PRKAR2B: variants seen among roughly 807,000 people sequenced by gnomAD.
PRKAR2B encodes the protein protein kinase cAMP-dependent type II regulatory subunit beta, also known as cAMP-dependent protein kinase type II-beta regulatory subunit.
PRKAR2B carries 14 observed loss-of-function variants against 49.9 expected under a neutral mutation model. The observed-to-expected ratio is 0.28, with a 90% CI of 0.19 to 0.44. PRKAR2B has a LOEUF of 0.44. Ranked by LOEUF, PRKAR2B falls within the 20% of genes least tolerant of loss-of-function variation. PRKAR2B has a pLI of 1.00. For synonymous variants in PRKAR2B, 196 were observed against 197.7 expected (o/e 0.99, Z 0.07); for missense variants, 393 against 537.9 (o/e 0.73, Z 2.67).
At chr7:107,128,128 C>T in intron 3 of PRKAR2B, 84 bp from the exon 4 acceptor site, 2 of 886,020 alleles carry the variant, frequency 2.3e-6, no homozygotes, top group Non-Finnish European at 3.6e-6. Flanking sequence ...AATGTTGGTT[C>T]TGATTTTTGT....
chr7:107,108,697 G>A (rs1795119955), intron 2 of PRKAR2B, among the ~76,000 whole-genome samples: 1 of 152,190 alleles, frequency 6.6e-6, no homozygotes, highest in East Asian at 1.9e-4. Context: ...AGAGCCTTTG[G>A]CTCCTGTACA....
chr7:107,068,148 A>C (rs1238660355), intron 1 of PRKAR2B, among the ~76,000 whole-genome samples: 2 of 152,188 alleles, frequency 1.3e-5, no homozygotes, highest in African/African-American at 4.8e-5. Flanking sequence ...CCTTTGTGGA[A>C]AACCTTTACC....
intron 6 of PRKAR2B, among the ~76,000 whole-genome samples, chr7:107,148,101 G>A (rs1795923908): frequency 6.6e-6 from 1 of 152,206 alleles, no homozygotes; most frequent in South Asian, 2.1e-4. Context: ...TCAGTGATTT[G>A]AATACCCAAA....
rs777022729 is a variant in PRKAR2B, at chr7:107,157,290, T to C, written c.1089T>C (p.Ala363=). Residue 363 remains alanine, a synonymous_variant, in exon 10 of 11, where the codon GCT becomes GCC. Coordinates refer to ENST00000265717, the MANE Select transcript of PRKAR2B (RefSeq NM_002736.3). ...LALVTNKPRA[A]SAHAIGTVKC... ...TGGTAACTAACAAACCTCGAGCAGC[T>C]TCTGCCCACGCCATTGGGACTGTCA... is the stretch of plus-strand genomic sequence containing the variant. 6 of 1,614,092 alleles carry C rather than the reference T, an allele frequency of 3.7e-6. No individual in the cohort carries two copies. In the Admixed American group the frequency reaches 1.0e-4, roughly 27 times the overall value.
intron 4 of PRKAR2B, among the ~76,000 whole-genome samples, chr7:107,134,969 A>G (rs1795669166): frequency 6.6e-6 from 1 of 152,196 alleles, no homozygotes; most frequent in Non-Finnish European, 1.5e-5. Context: ...AAAAGAAAAA[A>G]GATAAATAGG....
Position 107,113,380 on chromosome 7 carries a change from G to A in PRKAR2B, c.344-8572G>A, listed in dbSNP as rs556128973. On this transcript the variant is annotated intron_variant, in intron 2 of 10. Coordinates refer to ENST00000265717, the MANE Select transcript of PRKAR2B (RefSeq NM_002736.3). Reference sequence around the variant, plus strand: ...GTTGACTTTTTAACCAAAGTGTTAGGATTCTGTTTTTATTTCACCTTGGCA... The same window carrying A: ...GTTGACTTTTTAACCAAAGTGTTAGAATTCTGTTTTTATTTCACCTTGGCA... 1.4e-3 allele frequency among the ~76,000 whole-genome samples: 220 copies of A among 152,298 alleles called. 1 individual carries two copies. The highest frequency in any genetic ancestry group is 2.6e-3 in the Non-Finnish European group (180 of 68,008).
intron 2 of PRKAR2B, among the ~76,000 whole-genome samples, chr7:107,087,843 C>G (rs890177098): frequency 2.0e-5 from 3 of 152,142 alleles, no homozygotes; most frequent in African/African-American, 7.2e-5. Context: ...TCTTTTCTCA[C>G]TCACCTAGTA....
intron 2 of PRKAR2B, among the ~76,000 whole-genome samples, chr7:107,106,218 C>T (rs1795069590): frequency 6.6e-6 from 1 of 152,176 alleles, no homozygotes; most frequent in South Asian, 2.1e-4. Context: ...CTTTTCCATA[C>T]CTTTTGTTAA....
intron 2 of PRKAR2B, among the ~76,000 whole-genome samples, chr7:107,075,378 G>A (rs945342984): frequency 6.6e-6 from 1 of 151,320 alleles, no homozygotes; most frequent in African/African-American, 2.4e-5. Context: ...TGGGATTATA[G>A]GTGTAAGCCA....
At chr7:107,122,773 G>A (rs13224682) in intron 3 of PRKAR2B, among the ~76,000 whole-genome samples, 144,292 of 152,294 alleles carry the variant, frequency 0.95, 68,451 homozygotes, top group East Asian at 1. Flanking sequence ...TCCCTAAGTC[G>A]TTACATCATT....
intron 2 of PRKAR2B, among the ~76,000 whole-genome samples, chr7:107,113,145 A>G (rs944726602): frequency 1.3e-5 from 2 of 152,212 alleles, no homozygotes; most frequent in African/African-American, 4.8e-5. Flanking sequence ...CAAAAACAGT[A>G]AATAAAACTA....
At chr7:107,049,304 A>G (rs150456419) in intron 1 of PRKAR2B, among the ~76,000 whole-genome samples, 2 of 152,378 alleles carry the variant, frequency 1.3e-5, no homozygotes, top group East Asian at 1.9e-4. Context: ...AACTACCGTG[A>G]TAGAAAATAA....
At chr7:107,143,980 A>G (rs990567505) in intron 5 of PRKAR2B, among the ~76,000 whole-genome samples, 10 of 152,162 alleles carry the variant, frequency 6.6e-5, no homozygotes, top group Non-Finnish European at 1.3e-4. Flanking sequence ...ATGATTATCC[A>G]TGGGACAAAT....
intron 2 of PRKAR2B, among the ~76,000 whole-genome samples, chr7:107,114,218 C>T (rs1055541139): frequency 4.6e-5 from 7 of 151,892 alleles, no homozygotes; most frequent in Non-Finnish European, 7.4e-5. Context: ...ATTTACAAAA[C>T]GTATGTGGGT....
intron 2 of PRKAR2B, among the ~76,000 whole-genome samples, chr7:107,112,727 A>C (rs1027442915): frequency 5.9e-5 from 9 of 152,078 alleles, no homozygotes; most frequent in African/African-American, 2.2e-4. Flanking sequence ...ACATGGATTT[A>C]TTTCTTTTGC....
chr7:107,094,696 G>A (rs1339767757), intron 2 of PRKAR2B, among the ~76,000 whole-genome samples: 1 of 152,196 alleles, frequency 6.6e-6, no homozygotes, highest in Non-Finnish European at 1.5e-5. Flanking sequence ...AAGGTGTAAG[G>A]AAGGGATCCA....
Position 107,044,858 on chromosome 7 carries a change from C to T in PRKAR2B, c.-50C>T, listed in dbSNP as rs781410003. On this transcript the variant is annotated 5_prime_UTR_variant, in exon 1 of 11. Coordinates refer to ENST00000265717, the MANE Select transcript of PRKAR2B (RefSeq NM_002736.3). ...GCAGCCGCGGGGCCCTAGGCCGTGC[C>T]GGGGAGGGGGCGAGGGCGGCGCCCA... 1 of 1,507,624 alleles carries T rather than the reference C, an allele frequency of 6.6e-7. No homozygotes were observed. The highest frequency in any genetic ancestry group is 1.4e-5 in the African/African-American group (1 of 70,918). The allele number at this position is 1,507,624 out of a possible 1,614,324, so 93.4% of individuals were successfully genotyped here. A position where few individuals can be genotyped will look rare whatever the true frequency, so the allele number is the denominator to read the frequency against.
intron 2 of PRKAR2B, among the ~76,000 whole-genome samples, chr7:107,076,366 A>AT (rs1388712685): frequency 6.6e-6 from 1 of 151,840 alleles, no homozygotes; most frequent in Non-Finnish European, 1.5e-5. Flanking sequence ...TAATTCAAGG[A>AT]TTTTTTATTG....
At chr7:107,141,658 A>C (rs534840922) in intron 5 of PRKAR2B, among the ~76,000 whole-genome samples, 1 of 152,250 alleles carries the variant, frequency 6.6e-6, no homozygotes, top group Non-Finnish European at 1.5e-5. Flanking sequence ...CACCATTTGC[A>C]CTACAACCTG....
Sources: allele counts gnomAD v4.1 joint callset (sites outside exome capture counted in the v4.1 genomes callset), GRCh38; gene constraint gnomAD v4.1.1; transcripts MANE v1.5; gene names NCBI Gene and HGNC (gene_info 2026-07-23, HGNC 2026-07-21).